Variants in EEFSEC observed in about 807,000 individuals in gnomAD.
The protein encoded by EEFSEC is eukaryotic elongation factor, selenocysteine-tRNA specific.
EEFSEC carries 43 observed loss-of-function variants against 42.1 expected under a neutral mutation model. The ratio of observed to expected loss-of-function variants is 1.02; its 90% CI spans 0.80 to 1.32. EEFSEC has a LOEUF of 1.32. EEFSEC is among the 40% of genes most tolerant of loss of function. EEFSEC has a pLI of 0.00. For synonymous variants in EEFSEC, 354 were observed against 339.1 expected, an observed-to-expected ratio of 1.04 and a Z score of -0.48; for missense variants, 745 against 803.6, an observed-to-expected ratio of 0.93 and a Z score of 0.88.
At chr3:128,377,297 G>A (rs2067721180) in intron 6 of EEFSEC, among the ~76,000 whole-genome samples, 1 of 151,860 alleles carries the variant, frequency 6.6e-6, no homozygotes, top group South Asian at 2.1e-4. Context: ...TGGTCTCCAA[G>A]GGAAGTTGAA....
At chr3:128,268,492 G>A (rs1400559191) in intron 4 of EEFSEC, among the ~76,000 whole-genome samples, 2 of 152,096 alleles carry the variant, frequency 1.3e-5, no homozygotes, top group Non-Finnish European at 2.9e-5. Context: ...TTAAATTATG[G>A]TCCCCCAAAA....
chr3:128,261,551 C>CTT (rs386397883), intron 2 of EEFSEC, among the ~76,000 whole-genome samples: 54,213 of 106,820 alleles, frequency 0.51, 14,926 homozygotes, highest in Non-Finnish European at 0.64. Context: ...CTCTTTCCCT[C>CTT]TTTTTTTTTT....
At position 128,329,390 on chromosome 3, in the gene EEFSEC, G is replaced by T. The variant is rs138037485; in HGVS notation, c.787-11843G>T. 8.0e-4 allele frequency among the ~76,000 whole-genome samples: 122 copies of T among 151,670 alleles called. No homozygotes were observed. The Middle Eastern group carries it at 0.01, about 13-fold the overall frequency. ...AGCATGCTCCTCTGTGCCAGGGACG[G>T]AGATTAGTGCCACCCAGCCCCACCC... On this transcript the variant is annotated intron_variant, in intron 4 of 6. Coordinates refer to ENST00000254730, the MANE Select transcript of EEFSEC (RefSeq NM_021937.5).
At chr3:128,347,699 G>A (rs2067329451) in intron 5 of EEFSEC, among the ~76,000 whole-genome samples, 1 of 152,148 alleles carries the variant, frequency 6.6e-6, no homozygotes, top group South Asian at 2.1e-4. Context: ...GAGAGATTGG[G>A]TTAAATACTG....
downstream of EEFSEC, chr3:128,408,765 A>G (rs2068152246): frequency 6.5e-6 from 1 of 152,768 alleles, no homozygotes; most frequent in African/African-American, 2.4e-5. Flanking sequence ...AGGGACCCAA[A>G]CTCAGAGTCT....
intron 4 of EEFSEC, among the ~76,000 whole-genome samples, chr3:128,279,804 G>C (rs560164763): frequency 6.6e-5 from 10 of 152,332 alleles, no homozygotes; most frequent in Admixed American, 2.0e-4. Context: ...GCTTCCTGGG[G>C]GGACTAATTC....
At chr3:128,399,711 G>A (rs1219038194) in intron 6 of EEFSEC, among the ~76,000 whole-genome samples, 3 of 151,856 alleles carry the variant, frequency 2.0e-5, no homozygotes, top group Non-Finnish European at 4.4e-5. Context: ...GGAGACTGGT[G>A]TCAGGGCTGT....
At chr3:128,369,843 C>T (rs116250882) in intron 6 of EEFSEC, among the ~76,000 whole-genome samples, 2 of 152,186 alleles carry the variant, frequency 1.3e-5, no homozygotes, top group Non-Finnish European at 2.9e-5. Context: ...TGCGCCGAGC[C>T]GACTGAGGGT....
At chr3:128,176,958 C>G (rs983890308) in intron 1 of EEFSEC, among the ~76,000 whole-genome samples, 1 of 150,902 alleles carries the variant, frequency 6.6e-6, no homozygotes. Flanking sequence ...TAATTTTTTT[C>G]TGTAGTTTAA....
intron 2 of EEFSEC, among the ~76,000 whole-genome samples, chr3:128,257,492 A>G (rs1026222132): frequency 6.6e-6 from 1 of 152,200 alleles, no homozygotes; most frequent in African/African-American, 2.4e-5. Context: ...AATGCAGTGC[A>G]CTGCCCACAA....
intron 1 of EEFSEC, among the ~76,000 whole-genome samples, chr3:128,187,754 G>C (rs192127007): frequency 5.8e-4 from 88 of 152,318 alleles, no homozygotes; most frequent in African/African-American, 1.7e-3. Context: ...ATACACCAGA[G>C]GGTTTCAGAG....
chr3:128,154,135 AAATAAGAAAACTCAC>A (rs1184361292), intron 1 of EEFSEC, among the ~76,000 whole-genome samples: 1 of 152,108 alleles, frequency 6.6e-6, no homozygotes, highest in African/African-American at 2.4e-5. Context: ...AGAAAACTCA[AAATAAGAAAACTCAC>A]AAGCTACAAA....
In EEFSEC at chr3:128,211,848, C is replaced by CT. The variant is rs34885945; in HGVS notation, c.317-34959dup. ...CATATACTTCTTTTCTTTTTCTTTT[C>CT]TTTTTTTTTTTTTTTTTTTTTTTTT... On this transcript the variant is annotated intron_variant, in intron 1 of 6. Coordinates refer to ENST00000254730, the MANE Select transcript of EEFSEC (RefSeq NM_021937.5). 4.4e-3 allele frequency among the ~76,000 whole-genome samples: 229 copies of CT among 51,698 alleles called. 10 individuals carry two copies. The highest frequency in any genetic ancestry group is 0.015 in the African/African-American group (187 of 12,244). The allele number at this position is 51,698 out of a possible 152,430, so 33.9% of individuals were successfully genotyped here. A position where few individuals can be genotyped will look rare whatever the true frequency, so the allele number is the denominator to read the frequency against.
chr3:128,370,761 G>A (rs1353471766), intron 6 of EEFSEC, among the ~76,000 whole-genome samples: 1 of 152,244 alleles, frequency 6.6e-6, no homozygotes, highest in African/African-American at 2.4e-5. Flanking sequence ...TTTGGGTGGA[G>A]ATGTTACAGA....
intron 1 of EEFSEC, among the ~76,000 whole-genome samples, chr3:128,231,649 G>A (rs1158050603): frequency 6.6e-6 from 1 of 152,076 alleles, no homozygotes; most frequent in East Asian, 1.9e-4. Flanking sequence ...CTTTCCTGTG[G>A]GGCCTGATTC....
intron 4 of EEFSEC, among the ~76,000 whole-genome samples, chr3:128,309,277 G>C (rs923108982): frequency 1.3e-5 from 2 of 152,176 alleles, no homozygotes; most frequent in Non-Finnish European, 2.9e-5. Flanking sequence ...AGACTGAGCA[G>C]GTGCAAAGAG....
intron 1 of EEFSEC, among the ~76,000 whole-genome samples, chr3:128,206,848 A>G (rs576629302): frequency 1.1e-3 from 172 of 152,222 alleles, no homozygotes; most frequent in Middle Eastern, 6.8e-3. Context: ...CCGACTTCTC[A>G]CGGCTGGCCC....
chr3:128,325,098 A>G (rs1330865703), intron 4 of EEFSEC, among the ~76,000 whole-genome samples: 1 of 152,230 alleles, frequency 6.6e-6, no homozygotes, highest in East Asian at 1.9e-4. Flanking sequence ...CTCTGCCTGA[A>G]GGTGGGATGC....
chr3:128,396,166 T>C (rs1326232102), intron 6 of EEFSEC, among the ~76,000 whole-genome samples: 3 of 152,158 alleles, frequency 2.0e-5, no homozygotes, highest in Non-Finnish European at 4.4e-5. Flanking sequence ...TATCTGTGTG[T>C]GGTTTGTGTG....
Sources: gnomAD v4.1 joint callset for allele counts (sites outside exome capture counted in the v4.1 genomes callset) on GRCh38, gnomAD v4.1.1 for gene constraint, MANE v1.5 for transcripts, NCBI Gene and HGNC (gene_info 2026-07-23, HGNC 2026-07-21) for gene names.